The following EBF2 variants were observed in gnomAD, a reference collection of about 807,000 sequenced individuals.
EBF2 encodes EBF transcription factor 2.
EBF2 carries 21 observed loss-of-function variants against 72.8 expected under a neutral mutation model. That is an observed-to-expected ratio of 0.29 (90% CI 0.20 to 0.42). EBF2 has a LOEUF of 0.42. Among genes scored for constraint, EBF2 ranks in the 10% least tolerant of loss-of-function variants. The pLI, the probability that EBF2 is intolerant of heterozygous loss-of-function variation, is 1.00. For synonymous variants in EBF2, 299 were observed against 274.2 expected, an observed-to-expected ratio of 1.09 and a Z score of -0.89; for missense variants, 637 against 731.2, an observed-to-expected ratio of 0.87 and a Z score of 1.49.
At chr8:25,959,087 T>G (rs1170979011) in intron 6 of EBF2, among the ~76,000 whole-genome samples, 5 of 152,168 alleles carry the variant, frequency 3.3e-5, no homozygotes, top group Non-Finnish European at 7.4e-5. Context: ...TTTCGTAAAG[T>G]GGAGGAATGG....
intron 6 of EBF2, among the ~76,000 whole-genome samples, chr8:25,909,688 T>C (rs1381254617): frequency 6.6e-6 from 1 of 152,164 alleles, no homozygotes; most frequent in African/African-American, 2.4e-5. Context: ...TTATTTTTTG[T>C]TTAACAATCA....
intron 10 of EBF2, among the ~76,000 whole-genome samples, chr8:25,871,746 A>G (rs1802442679): frequency 6.6e-6 from 1 of 152,194 alleles, no homozygotes. Flanking sequence ...TCAGCCTTGA[A>G]AAACTTTCAT....
chr8:25,960,876 T>C (rs1804024205), intron 6 of EBF2, among the ~76,000 whole-genome samples: 1 of 152,230 alleles, frequency 6.6e-6, no homozygotes, highest in Non-Finnish European at 1.5e-5. Context: ...TCAATTCCCC[T>C]GTGTTAGACT....
At chr8:25,994,784 T>C (rs1287684336) in intron 6 of EBF2, among the ~76,000 whole-genome samples, 1 of 152,180 alleles carries the variant, frequency 6.6e-6, no homozygotes, top group Non-Finnish European at 1.5e-5. Flanking sequence ...TTGGGACTAC[T>C]TGAGGGTGGA....
rs79010122 is a variant in EBF2 at position 25,963,567 on chromosome 8, A to G, written c.552-55012T>C. 4.1e-3 allele frequency among the ~76,000 whole-genome samples: 619 copies of G among 152,316 alleles called. 2 individuals are homozygous for G. The highest frequency in any genetic ancestry group is 0.014 in the African/African-American group (572 of 41,560). On this transcript the variant is annotated intron_variant, in intron 6 of 15. Transcript: ENST00000520164. ...AATGAAAACATTCAAAAATTAAACA[A>G]AATGAGGGTCTCATTTTCCTACTGC...
chr8:26,001,308 G>A (rs1804720501), intron 6 of EBF2, among the ~76,000 whole-genome samples: 1 of 152,166 alleles, frequency 6.6e-6, no homozygotes, highest in Non-Finnish European at 1.5e-5. Flanking sequence ...GTGAAGAAAG[G>A]AGGAAGGATG....
chr8:25,997,141 G>A (rs1402144811), intron 6 of EBF2, among the ~76,000 whole-genome samples: 1 of 152,154 alleles, frequency 6.6e-6, no homozygotes, highest in African/African-American at 2.4e-5. Context: ...GTGGTGTGGT[G>A]TGACCCACTC....
intron 6 of EBF2, among the ~76,000 whole-genome samples, chr8:25,951,860 A>T (rs1803867683): frequency 6.6e-6 from 1 of 152,246 alleles, no homozygotes; most frequent in Non-Finnish European, 1.5e-5. Context: ...CAAGGTCAAG[A>T]TGAACATTCA....
At chr8:25,944,349 G>A (rs1267300666) in intron 6 of EBF2, among the ~76,000 whole-genome samples, 2 of 152,006 alleles carry the variant, frequency 1.3e-5, no homozygotes, top group African/African-American at 4.8e-5. Context: ...CCTTCAGACG[G>A]CCATTGTCTT....
intron 6 of EBF2, among the ~76,000 whole-genome samples, chr8:26,027,597 G>T (rs925368556): frequency 0.029 from 2 of 70 alleles, no homozygotes; most frequent in African/African-American, 0.062. Context: ...TTACCATCTA[G>T]TCCAGCAATT....
intron 6 of EBF2, among the ~76,000 whole-genome samples, chr8:25,921,131 G>A (rs574720408): frequency 6.6e-6 from 1 of 152,208 alleles, no homozygotes; most frequent in East Asian, 1.9e-4. Flanking sequence ...TGGTACCTAT[G>A]GAATTATCAT....
chr8:26,024,275 C>T (rs1478418659), intron 6 of EBF2, among the ~76,000 whole-genome samples: 1 of 152,124 alleles, frequency 6.6e-6, no homozygotes, highest in Non-Finnish European at 1.5e-5. Flanking sequence ...TCAGATCTTC[C>T]AGAGTGCTTA....
intron 8 of EBF2, among the ~76,000 whole-genome samples, chr8:25,889,468 C>G (rs1802742658): frequency 6.6e-6 from 1 of 152,096 alleles, no homozygotes; most frequent in South Asian, 2.1e-4. Context: ...ACTAAGATGT[C>G]ATAGGCCTAT....
intron 5 of EBF2, among the ~76,000 whole-genome samples, chr8:26,033,845 A>G (rs1273117286): frequency 1.3e-5 from 2 of 152,224 alleles, no homozygotes; most frequent in East Asian, 3.8e-4. Context: ...TTATAAAATA[A>G]AAAATAAAAA....
intron 6 of EBF2, among the ~76,000 whole-genome samples, chr8:25,975,294 C>T (rs114820037): frequency 8.2e-4 from 125 of 152,220 alleles, no homozygotes; most frequent in African/African-American, 2.4e-3. Flanking sequence ...ACTGAAAAGG[C>T]CTTGGAGGTT....
intron 6 of EBF2, among the ~76,000 whole-genome samples, chr8:25,981,766 A>T (rs1487200208): frequency 6.7e-6 from 1 of 149,644 alleles, no homozygotes; most frequent in Non-Finnish European, 1.5e-5. Context: ...ACTGCACTCC[A>T]GCCTGGGTGA....
intron 6 of EBF2, among the ~76,000 whole-genome samples, chr8:26,025,413 T>C (rs1370309012): frequency 6.6e-6 from 1 of 152,102 alleles, no homozygotes; most frequent in East Asian, 1.9e-4. Context: ...CTGAATAACA[T>C]AAGGACTTAG....
intron 6 of EBF2, among the ~76,000 whole-genome samples, chr8:25,997,514 T>C (rs1804653149): frequency 1.4e-5 from 2 of 146,760 alleles, no homozygotes; most frequent in Admixed American, 7.0e-5. Flanking sequence ...GAGACTGCAG[T>C]GAGCCAAGAT....
At chr8:25,958,340 G>A (rs1260946719) in intron 6 of EBF2, among the ~76,000 whole-genome samples, 1 of 152,122 alleles carries the variant, frequency 6.6e-6, no homozygotes, top group Non-Finnish European at 1.5e-5. Context: ...CATGCAGGGA[G>A]AATAATTTTT....
Sources: gnomAD v4.1 joint callset for allele counts (sites outside exome capture counted in the v4.1 genomes callset) on GRCh38, gnomAD v4.1.1 for gene constraint, MANE v1.5 for transcripts, NCBI Gene and HGNC (gene_info 2026-07-23, HGNC 2026-07-21) for gene names.